The following PTPRD variants were observed in gnomAD, a reference collection of about 807,000 sequenced individuals.
The protein encoded by PTPRD is receptor-type tyrosine-protein phosphatase delta.
In PTPRD, 34 loss-of-function variants were observed where a neutral mutation model predicts 214.5. That is an observed-to-expected ratio of 0.16 (90% confidence interval 0.12 to 0.21). PTPRD has a LOEUF of 0.21. Ranked by LOEUF, PTPRD falls within the 10% of genes least tolerant of loss-of-function variation. The pLI, the probability that PTPRD is intolerant of heterozygous loss-of-function variation, is 1.00. For synonymous variants in PTPRD, 1,128 were observed against 845.7 expected, an observed-to-expected ratio of 1.33 and a Z score of -5.79; for missense variants, 2,545 against 2,398.7, an observed-to-expected ratio of 1.06 and a Z score of -1.27.
At chr9:8,413,332 G>C (rs1179955621) in intron 35 of PTPRD, among the ~76,000 whole-genome samples, 2 of 152,106 alleles carry the variant, frequency 1.3e-5, no homozygotes, top group African/African-American at 4.8e-5. Context: ...ATTAACTTTT[G>C]TTAATGTTCA....
At chr9:9,607,734 T>C (rs1182969375) in intron 7 of PTPRD, among the ~76,000 whole-genome samples, 1 of 138,134 alleles carries the variant, frequency 7.2e-6, no homozygotes, top group Non-Finnish European at 1.6e-5. Context: ...ATACAAAGAA[T>C]AGACTGTTAG....
chr9:8,634,656 A>T (rs1467803486), intron 13 of PTPRD, among the ~76,000 whole-genome samples: 1 of 152,066 alleles, frequency 6.6e-6, no homozygotes, highest in Admixed American at 6.6e-5. Context: ...CTTAGGAAAG[A>T]AAAGTTTCAT....
At chr9:9,578,127 G>A (rs114724013) in intron 7 of PTPRD, among the ~76,000 whole-genome samples, 1,494 of 147,350 alleles carry the variant, frequency 0.01, 16 homozygotes, top group African/African-American at 0.027. Flanking sequence ...CAACCATTCA[G>A]AAAGCACTGA....
chr9:10,171,215 C>T (rs919718665), intron 3 of PTPRD, among the ~76,000 whole-genome samples: 1 of 152,154 alleles, frequency 6.6e-6, no homozygotes, highest in African/African-American at 2.4e-5. Flanking sequence ...TATGGTTTGG[C>T]TGTGTCCCCA....
rs2134160763 is a variant in PTPRD at position 8,460,558 on chromosome 9, G to C, written c.3728C>G (p.Thr1243Ser). ...MEHAESKMYA[T>S]SPYSDPVVSM... ...CACCACGGGGTCGGAGTAAGGGCTG[G>C]TTGCATACATCTTCTGAGGAAAAGC... Residue 1243 changes from threonine to serine, a missense_variant, in exon 33 of 46, where the codon ACC becomes AGC. Transcript: ENST00000381196. 6.2e-7 allele frequency: 1 copy of C among 1,611,972 alleles called. No individual in the cohort carries two copies. Among genetic ancestry groups the C allele is most frequent in the Non-Finnish European group, 8.5e-7 (1 of 1,179,204 alleles).
intron 3 of PTPRD, among the ~76,000 whole-genome samples, chr9:10,248,592 G>C (rs1276585473): frequency 6.6e-6 from 1 of 150,908 alleles, no homozygotes; most frequent in Non-Finnish European, 1.5e-5. Flanking sequence ...GAGATTGTAG[G>C]TTAAGCAAAA....
At chr9:10,594,925 A>C (rs1250008503) in intron 2 of PTPRD, among the ~76,000 whole-genome samples, 1 of 151,968 alleles carries the variant, frequency 6.6e-6, no homozygotes, top group Admixed American at 6.6e-5. Flanking sequence ...AAGTGATACA[A>C]ATTTTACTTT....
chr9:9,757,909 C>T (rs1387817175), intron 6 of PTPRD, among the ~76,000 whole-genome samples: 1 of 151,866 alleles, frequency 6.6e-6, no homozygotes, highest in Non-Finnish European at 1.5e-5. Flanking sequence ...TTGTGGAGCC[C>T]AAGTGAAGCC....
At chr9:10,024,412 A>G (rs961149647) in intron 4 of PTPRD, among the ~76,000 whole-genome samples, 39 of 152,102 alleles carry the variant, frequency 2.6e-4, no homozygotes, top group Non-Finnish European at 4.6e-4. Context: ...CTTATTATAT[A>G]AGTCTTTTGT....
chr9:10,534,200 T>C (rs1175926914), intron 2 of PTPRD, among the ~76,000 whole-genome samples: 1 of 151,938 alleles, frequency 6.6e-6, no homozygotes, highest in Non-Finnish European at 1.5e-5. Context: ...TCTCTCCATA[T>C]CTTTTAAACT....
chr9:10,022,216 A>C (rs1048980853), intron 4 of PTPRD, among the ~76,000 whole-genome samples: 6 of 51,294 alleles, frequency 1.2e-4, no homozygotes, highest in Non-Finnish European at 2.3e-4. Context: ...ACATACAATT[A>C]GGACTTTTCC....
rs1566873590 is a variant in PTPRD at position 9,976,585 on chromosome 9, A to ACCCC, written c.-471-37976_-471-37975insGGGG. Among the ~76,000 whole-genome samples the ACCCC allele has an allele frequency of 6.9e-5, 10 of 145,252 alleles. No individual in the cohort carries two copies. The East Asian group carries it at 8.2e-4, about 12-fold the overall frequency. On this transcript the variant is annotated intron_variant, in intron 4 of 45. Transcript: ENST00000381196. ...GTATTTTTAGTAGAGATGGGGTTTC[A>ACCCC]CCATGTTAGCCAGGCTGGTCTCAAA... is the stretch of plus-strand genomic sequence containing the variant.
intron 11 of PTPRD, among the ~76,000 whole-genome samples, chr9:8,761,975 A>T (rs1277217272): frequency 6.6e-6 from 1 of 152,198 alleles, no homozygotes; most frequent in Non-Finnish European, 1.5e-5. Context: ...CAGAGGGTCA[A>T]ATAAACTCAG....
At chr9:9,722,470 T>C (rs959756375) in intron 7 of PTPRD, among the ~76,000 whole-genome samples, 4 of 152,112 alleles carry the variant, frequency 2.6e-5, no homozygotes, top group African/African-American at 9.6e-5. Flanking sequence ...TATTCATCAA[T>C]TGATGGACAT....
chr9:9,430,573 A>C (rs1018153877), intron 8 of PTPRD, among the ~76,000 whole-genome samples: 26 of 151,982 alleles, frequency 1.7e-4, no homozygotes, highest in Admixed American at 1.4e-3. Flanking sequence ...CATATGGAAC[A>C]AAAAAGAGCC....
chr9:9,144,535 C>T (rs994101463), intron 10 of PTPRD, among the ~76,000 whole-genome samples: 4 of 151,982 alleles, frequency 2.6e-5, no homozygotes, highest in East Asian at 1.9e-4. Context: ...GGGTGGATCA[C>T]GAGGTCAGAA....
chr9:8,583,658 T>A (rs572819812), intron 14 of PTPRD, among the ~76,000 whole-genome samples: 1 of 152,316 alleles, frequency 6.6e-6, no homozygotes, highest in East Asian at 1.9e-4. Flanking sequence ...AAACCTTTCA[T>A]GGAGATAATA....
chr9:9,018,129 T>A (rs1433968030), intron 11 of PTPRD, among the ~76,000 whole-genome samples: 1 of 152,154 alleles, frequency 6.6e-6, no homozygotes, highest in African/African-American at 2.4e-5. Flanking sequence ...CACTTCACAC[T>A]TTCTCTTTCC....
chr9:9,931,982 A>G (rs866106720), intron 5 of PTPRD, among the ~76,000 whole-genome samples: 34 of 150,180 alleles, frequency 2.3e-4, no homozygotes, highest in Middle Eastern at 3.4e-3. Flanking sequence ...CACCTCACAC[A>G]GCAGAGTACT....
Sources: allele counts gnomAD v4.1 joint callset (sites outside exome capture counted in the v4.1 genomes callset), GRCh38; gene constraint gnomAD v4.1.1; transcripts MANE v1.5; gene names NCBI Gene and HGNC (gene_info 2026-07-23, HGNC 2026-07-21).